Variants in RPL18 observed in about 807,000 individuals in gnomAD.
The protein encoded by RPL18 is ribosomal protein L18.
In RPL18, 4 loss-of-function variants were observed where a neutral mutation model predicts 25.0. The ratio of observed to expected loss-of-function variants is 0.16; its 90% confidence interval spans 0.08 to 0.37. The LOEUF (loss-of-function observed/expected upper bound fraction) is 0.37, where lower values mean the gene tolerates loss of function less well. Ranked by LOEUF, RPL18 falls within the 10% of genes least tolerant of loss-of-function variation. The pLI is 1.00. For synonymous variants in RPL18, 129 were observed against 101.6 expected (o/e 1.27, Z -1.62); for missense variants, 179 against 267.9 (o/e 0.67, Z 2.32).
At chr19:48,616,661 G>GCACAGCACAGCACAA in intron 4 of RPL18, 65 bp downstream of exon 4, 1 of 1,123,332 alleles carries the variant, frequency 8.9e-7, no homozygotes, top group Non-Finnish European at 1.4e-6. Context: ...GCACAGCACA[G>GCACAGCACAGCACAA]CACAGCACAG....
At chr19:48,617,512 T>A in intron 2 of RPL18, 89 bp from the exon 3 acceptor site, 1 of 999,756 alleles carries the variant, frequency 1.0e-6, no homozygotes, top group Non-Finnish European at 1.6e-6. Flanking sequence ...TGATCTGGAC[T>A]AAAATAATCT....
At chr19:48,617,058 A>AC (rs1974198084) in intron 3 of RPL18, 1 of 702,536 alleles carries the variant, frequency 1.4e-6, no homozygotes, top group Non-Finnish European at 2.6e-6. Flanking sequence ...CATAAAACTC[A>AC]GTTATGACTT....
intron 3 of RPL18, 100 bp downstream of exon 3, chr19:48,617,216 T>C (rs772661359): frequency 8.7e-6 from 8 of 921,280 alleles, no homozygotes; most frequent in Non-Finnish European, 1.5e-5. Context: ...AAACCCTTGA[T>C]GCCCTGGTTG....
intron 2 of RPL18, 159 bp from the exon 3 acceptor site, chr19:48,617,582 G>T: frequency 1.4e-6 from 1 of 698,724 alleles, no homozygotes; most frequent in Non-Finnish European, 2.4e-6. Flanking sequence ...GTCCTTCCTG[G>T]CCAAGGACCT....
At chr19:48,616,896 G>A (rs1195947231) in intron 3 of RPL18, 72 bp from the exon 4 acceptor site, 3 of 1,161,340 alleles carry the variant, frequency 2.6e-6, no homozygotes, top group African/African-American at 1.5e-5. Flanking sequence ...GGCATCCCCA[G>A]GCCAGGGCAG....
At chr19:48,616,435 C>G (rs1312818278) in intron 4 of RPL18, 2 of 641,092 alleles carry the variant, frequency 3.1e-6, no homozygotes, top group Non-Finnish European at 5.5e-6. Context: ...CAAAAAAAGA[C>G]CTGTGCAGAG....
rs745335303 is a variant in RPL18, at chr19:48,616,771, C to T, written c.252G>A (p.Gly84=). Residue 84 remains glycine (G), a synonymous_variant, in exon 4 of 7, where the codon GGG becomes GGA. Coordinates refer to ENST00000549920, the MANE Select transcript of RPL18 (RefSeq NM_000979.4). Reference sequence around the variant, plus strand: ...GAACCCGCACATCATCAGTTATGGTCCCCACAACCACGGCCGTCTTGTTTT... The same window carrying T: ...GAACCCGCACATCATCAGTTATGGTTCCCACAACCACGGCCGTCTTGTTTT... ...GRENKTAVVV[G]TITDDVRVQE... 5 of 1,613,872 alleles carry T rather than the reference C, an allele frequency of 3.1e-6. No individual in the cohort carries two copies. The South Asian group carries it at 4.4e-5, about 14-fold the overall frequency.
At chr19:48,616,852 A>G (rs1364329808) in intron 3 of RPL18, 28 bp from the exon 4 acceptor site, 1 of 1,559,182 alleles carries the variant, frequency 6.4e-7, no homozygotes. Context: ...GTACGTCGTA[A>G]GTTGTTCTGG....
In RPL18 at chr19:48,619,155, C is replaced by G. The variant is rs779070514; in HGVS notation, c.-12G>C. ...AGCGAGCTCACCATGATGGCGCCTC[C>G]TGCTCGGCCAGGTCCGGAAAGAGAG... On this transcript the variant is annotated 5_prime_UTR_variant, in exon 1 of 7. Coordinates refer to ENST00000549920, the MANE Select transcript of RPL18 (RefSeq NM_000979.4). The G allele has an allele frequency of 1.4e-6, 2 of 1,445,090 alleles. No individual in the cohort carries two copies. The highest frequency in any genetic ancestry group is 1.9e-6 in the Non-Finnish European group (2 of 1,074,928). 89.5% of individuals were successfully genotyped at this position (1,445,090 alleles called of 1,614,324 possible). A position where few individuals can be genotyped will look rare whatever the true frequency, so the allele number is the denominator to read the frequency against.
At chr19:48,617,672 C>T in intron 2 of RPL18, 119 bp downstream of exon 2, 2 of 787,618 alleles carry the variant, frequency 2.5e-6, no homozygotes, top group East Asian at 5.2e-5. Context: ...GGAACAGAAC[C>T]AGAGACCCGA....
rs1974151792 is a variant in RPL18 at position 48,615,867 on chromosome 19, T to C, written c.491+10A>G. ...TGGGGAGAGGGCAGGGCTGGGGGCC[T>C]GATACTCACTTGGTGTGGCTGTGCG... On this transcript the variant is annotated intron_variant, in intron 6 of 6. Coordinates refer to ENST00000549920, the MANE Select transcript of RPL18 (RefSeq NM_000979.4). 1.2e-6 allele frequency: 2 copies of C among 1,605,122 alleles called. No individual in the cohort carries two copies. The highest frequency in any genetic ancestry group is 2.2e-5 in the South Asian group (2 of 89,946).
rs759634932 is a variant in RPL18 at position 48,616,798 on chromosome 19, C to G, written c.225G>C (p.Arg75=). The G allele has an allele frequency of 2.5e-6, 4 of 1,613,816 alleles. No individual in the cohort carries two copies. Among genetic ancestry groups the G allele is most frequent in the Non-Finnish European group, 3.4e-6 (4 of 1,179,910 alleles). ...RMIRKMKLPG[R]ENKTAVVVGT... ...CCACAACCACGGCCGTCTTGTTTTCCCGGCCAGGAAGCTTCATCTTCCGGA... is the reference window on the plus strand; with the variant it reads ...CCACAACCACGGCCGTCTTGTTTTCGCGGCCAGGAAGCTTCATCTTCCGGA... The change falls in exon 4 of 7, where the codon CGG becomes CGC. Residue 75 remains arginine, a synonymous_variant. Transcript: ENST00000549920.
chr19:48,617,452 TG>T, intron 2 of RPL18, 29 bp from the exon 3 acceptor site: 1 of 1,520,204 alleles, frequency 6.6e-7, no homozygotes, highest in Non-Finnish European at 9.1e-7. Context: ...AGTGAGAAGC[TG>T]GGACAGCCTG....
rs752566977 is a variant in RPL18, at chr19:48,616,217, A to G, written c.298-15T>C. 38 of 1,612,992 alleles carry G rather than the reference A, an allele frequency of 2.4e-5. No homozygotes were observed. The highest frequency in any genetic ancestry group is 3.2e-5 in the Non-Finnish European group (38 of 1,179,864). On this transcript the variant is annotated splice_polypyrimidine_tract_variant and intron_variant, in intron 4 of 6. Transcript: ENST00000549920. ...AGTGCACATACCTGGTGGAGAGGACAAGGCTGGCGGGTCAGACCCCTGCGT... is the reference window on the plus strand; with the variant it reads ...AGTGCACATACCTGGTGGAGAGGACGAGGCTGGCGGGTCAGACCCCTGCGT...
chr19:48,615,520 C>T, intron 6 of RPL18, 73 bp from the exon 7 acceptor site: 1 of 1,123,930 alleles, frequency 8.9e-7, no homozygotes. Flanking sequence ...AGGAACACCA[C>T]AAGCCTGTCA....
intron 4 of RPL18, 56 bp downstream of exon 4, chr19:48,616,670 A>T (rs760496948): frequency 6.6e-6 from 8 of 1,210,916 alleles, no homozygotes; most frequent in Non-Finnish European, 1.2e-6. Context: ...AGCACAGCAC[A>T]GCACAGCACA....
At chr19:48,617,192 C>A (rs749725868) in intron 3 of RPL18, 124 bp downstream of exon 3, 1 of 831,350 alleles carries the variant, frequency 1.2e-6, no homozygotes, top group South Asian at 1.3e-5. Flanking sequence ...TCTACGCTCG[C>A]GACTGGCTGA....
chr19:48,617,977 G>T, intron 1 of RPL18, 100 bp from the exon 2 acceptor site: 1 of 866,274 alleles, frequency 1.2e-6, no homozygotes, highest in Non-Finnish European at 1.9e-6. Context: ...GCCCAGGTCT[G>T]AACACACCAG....
intron 1 of RPL18, chr19:48,618,274 C>T (rs559091600): frequency 1.7e-5 from 3 of 179,858 alleles, no homozygotes; most frequent in African/African-American, 7.2e-5. Context: ...ACTACTAGAA[C>T]CACCTCTCCT....
Sources: allele counts gnomAD v4.1 joint callset, GRCh38; gene constraint gnomAD v4.1.1; transcripts MANE v1.5; gene names NCBI Gene and HGNC (gene_info 2026-07-23, HGNC 2026-07-21).